OPCML: variants seen among roughly 807,000 people sequenced by gnomAD.
The protein encoded by OPCML is opioid-binding protein/cell adhesion molecule.
OPCML carries 13 observed loss-of-function variants against 37.8 expected under a neutral mutation model. That is an observed-to-expected ratio of 0.34 (90% CI 0.22 to 0.55). The LOEUF (loss-of-function observed/expected upper bound fraction) is 0.55. Among genes scored for constraint, OPCML ranks in the 20% least tolerant of loss-of-function variants. The pLI is 0.91. For missense variants in OPCML, 341 were observed against 435.6 expected (o/e 0.78, Z 1.93); for synonymous variants, 176 against 168.8 (o/e 1.04, Z -0.33).
At chr11:133,048,363 T>C (rs1475091678) in intron 1 of OPCML, among the ~76,000 whole-genome samples, 1 of 152,006 alleles carries the variant, frequency 6.6e-6, no homozygotes, top group Non-Finnish European at 1.5e-5. Flanking sequence ...GCAGTTCTGA[T>C]TAACCACTGT....
chr11:133,396,369 CCTTT>C (rs1052150313), intron 1 of OPCML, among the ~76,000 whole-genome samples: 11 of 151,828 alleles, frequency 7.2e-5, no homozygotes, highest in African/African-American at 2.7e-4. Flanking sequence ...ATTTGAATGC[CCTTT>C]ATTTTTTTTC....
chr11:132,888,641 T>G (rs1253233105), intron 2 of OPCML, among the ~76,000 whole-genome samples: 3 of 152,020 alleles, frequency 2.0e-5, no homozygotes, highest in Non-Finnish European at 4.4e-5. Context: ...GTTTGTTTGT[T>G]TGGCTTTTTT....
intron 2 of OPCML, among the ~76,000 whole-genome samples, chr11:132,737,106 G>A (rs1945284762): frequency 6.6e-6 from 1 of 152,084 alleles, no homozygotes; most frequent in Admixed American, 6.6e-5. Flanking sequence ...TTAGTAATGT[G>A]ACTGGAAAAA....
chr11:133,019,713 G>T (rs1043187755), intron 1 of OPCML, among the ~76,000 whole-genome samples: 6 of 152,168 alleles, frequency 3.9e-5, no homozygotes, highest in African/African-American at 1.4e-4. Flanking sequence ...ACTGGGCAGA[G>T]TACCATGGAG....
At chr11:132,607,055 A>C (rs1298782041) in intron 3 of OPCML, among the ~76,000 whole-genome samples, 1 of 152,188 alleles carries the variant, frequency 6.6e-6, no homozygotes, top group Non-Finnish European at 1.5e-5. Context: ...CAGACTTTTC[A>C]ATCATATCAC....
At chr11:133,005,043 C>T in intron 1 of OPCML, 1 of 985,328 alleles carries the variant, frequency 1.0e-6, no homozygotes, top group Non-Finnish European at 1.2e-6. Context: ...GCCGTGAGAG[C>T]CTGGGAAGCT....
intron 1 of OPCML, among the ~76,000 whole-genome samples, chr11:133,002,967 A>G (rs1022294876): frequency 6.6e-6 from 1 of 152,150 alleles, no homozygotes; most frequent in African/African-American, 2.4e-5. Context: ...GTGGGGGGAA[A>G]AATGCAAGTT....
At chr11:132,607,569 A>G (rs922352060) in intron 3 of OPCML, among the ~76,000 whole-genome samples, 1 of 152,176 alleles carries the variant, frequency 6.6e-6, no homozygotes, top group Non-Finnish European at 1.5e-5. Flanking sequence ...CACACAAAGA[A>G]TAGAGACCTA....
At position 133,206,860 on chromosome 11, in the gene OPCML, A is replaced by T. The variant is rs1247506874; in HGVS notation, c.62-263850T>A. Among the ~76,000 whole-genome samples, 1 of 152,194 alleles carries T rather than the reference A, an allele frequency of 6.6e-6. No individual in the cohort carries two copies. Among genetic ancestry groups the T allele is most frequent in the Non-Finnish European group, 1.5e-5 (1 of 68,038 alleles). Reference sequence around the variant, plus strand: ...GATGTCCACACAGCTACGGTGACCTATTCATGTCTTAGGACGGGTAGGTGG... The same window carrying T: ...GATGTCCACACAGCTACGGTGACCTTTTCATGTCTTAGGACGGGTAGGTGG... On this transcript the variant is annotated intron_variant, in intron 1 of 7. Transcript: ENST00000524381. This position sits in a 1 kb window ranked among gnomAD's most constrained non-coding sequence, Gnocchi z 4.7.
At chr11:133,220,854 C>T (rs553193146) in intron 1 of OPCML, among the ~76,000 whole-genome samples, 9 of 152,234 alleles carry the variant, frequency 5.9e-5, no homozygotes, top group South Asian at 4.2e-4. Context: ...CGTTCGAGTC[C>T]GTTTGGAGAA....
intron 3 of OPCML, among the ~76,000 whole-genome samples, chr11:132,543,061 A>AAG (rs34523081): frequency 0.45 from 67,601 of 151,792 alleles, 15,782 homozygotes; most frequent in East Asian, 0.76. Flanking sequence ...CTATTGTGGG[A>AAG]AGAGGGGAAA....
At chr11:132,720,576 C>G (rs1944642993) in intron 2 of OPCML, among the ~76,000 whole-genome samples, 1 of 152,202 alleles carries the variant, frequency 6.6e-6, no homozygotes, top group Admixed American at 6.5e-5. Context: ...ACTGGTGTAG[C>G]TTTCAAAACC....
chr11:132,662,101 A>G (rs1055916749), intron 2 of OPCML, among the ~76,000 whole-genome samples: 2 of 150,492 alleles, frequency 1.3e-5, no homozygotes, highest in African/African-American at 4.9e-5. Flanking sequence ...GGAAGAGGTG[A>G]ACTTAGGGAA....
At chr11:133,272,252 T>TA (rs544482291) in intron 1 of OPCML, among the ~76,000 whole-genome samples, 49,211 of 124,304 alleles carry the variant, frequency 0.4, 9,805 homozygotes, top group East Asian at 0.71. Context: ...ATATTTGGAC[T>TA]AAAAAAAAAA....
At chr11:132,436,002 A>G (rs2096011771) in intron 7 of OPCML, 84 bp downstream of exon 7, 1 of 1,435,062 alleles carries the variant, frequency 7.0e-7, no homozygotes, top group Non-Finnish European at 9.4e-7. Context: ...ACACAGGCCA[A>G]GCAGATTGCA....
chr11:133,104,299 T>A (rs899278443), intron 1 of OPCML, among the ~76,000 whole-genome samples: 13 of 152,198 alleles, frequency 8.5e-5, no homozygotes, highest in African/African-American at 2.9e-4. Context: ...CATAAATTCC[T>A]CCCCATCCCT....
Position 133,371,385 on chromosome 11 carries a change from A to G in OPCML, c.61+160879T>C, listed in dbSNP as rs144782198. On this transcript the variant is annotated intron_variant, in intron 1 of 7. Coordinates refer to ENST00000524381, the MANE Select transcript of OPCML (RefSeq NM_001012393.5). ...CATGTTTATTGCAGCACTATTTACA[A>G]TAGCAAAGATAAGTAACATGGTTTA... Among the ~76,000 whole-genome samples, 468 of 152,354 alleles carry G rather than the reference A, an allele frequency of 3.1e-3. 2 individuals carry two copies. Among genetic ancestry groups the G allele is most frequent in the African/African-American group, 9.9e-3 (411 of 41,570 alleles).
intron 1 of OPCML, among the ~76,000 whole-genome samples, chr11:133,437,546 C>T (rs943925644): frequency 2.0e-5 from 3 of 152,216 alleles, no homozygotes; most frequent in South Asian, 2.1e-4. Context: ...TCTTCCCTTC[C>T]GCTTTGAATG....
intron 1 of OPCML, among the ~76,000 whole-genome samples, chr11:133,263,505 G>T (rs1941556855): frequency 6.6e-6 from 1 of 152,140 alleles, no homozygotes; most frequent in South Asian, 2.1e-4. Context: ...TGTGTAGTAG[G>T]CTGTACCTTC....
Sources: allele counts gnomAD v4.1 joint callset (sites outside exome capture counted in the v4.1 genomes callset), GRCh38; gene constraint gnomAD v4.1.1; non-coding constraint Gnocchi (gnomAD v3.1); transcripts MANE v1.5; gene names NCBI Gene and HGNC (gene_info 2026-07-23, HGNC 2026-07-21).